TRPM6: variants seen among roughly 807,000 people sequenced by gnomAD.
TRPM6 encodes the protein transient receptor potential cation channel subfamily M member 6.
Under a neutral mutation model 247.6 loss-of-function variants are expected in TRPM6, and 111 were observed. The ratio of observed to expected loss-of-function variants is 0.45; its 90% confidence interval spans 0.38 to 0.52. TRPM6 has a LOEUF of 0.52. TRPM6 is among the 20% of genes least tolerant of loss of function. The pLI is 0.00. For missense variants in TRPM6, 2,126 were observed against 2,421.5 expected, an observed-to-expected ratio of 0.88 and a Z score of 2.56; for synonymous variants, 892 against 853.8, an observed-to-expected ratio of 1.04 and a Z score of -0.78.
At chr9:74,886,677 T>A (rs987643535) in intron 1 of TRPM6, among the ~76,000 whole-genome samples, 3 of 152,074 alleles carry the variant, frequency 2.0e-5, no homozygotes, top group Non-Finnish European at 4.4e-5. Flanking sequence ...CAGGATGAAA[T>A]AGTTAAGAAT....
At chr9:74,835,549 T>C (rs1330556504) in intron 5 of TRPM6, among the ~76,000 whole-genome samples, 4 of 152,126 alleles carry the variant, frequency 2.6e-5, no homozygotes, top group Non-Finnish European at 5.9e-5. Flanking sequence ...TTAATACTAG[T>C]AATTAGTACA....
chr9:74,725,598 G>A (rs1274480013), intron 38 of TRPM6, among the ~76,000 whole-genome samples: 3 of 151,828 alleles, frequency 2.0e-5, no homozygotes, highest in Admixed American at 1.3e-4. Flanking sequence ...CTGTTCTTGT[G>A]ATAGTGAATG....
At chr9:74,869,968 C>A (rs991920784) in intron 1 of TRPM6, among the ~76,000 whole-genome samples, 3 of 152,110 alleles carry the variant, frequency 2.0e-5, no homozygotes, top group Non-Finnish European at 2.9e-5. Context: ...AACTGATAGC[C>A]TGTTTAGCTC....
At chr9:74,872,642 A>G (rs1390855119) in intron 1 of TRPM6, among the ~76,000 whole-genome samples, 1 of 146,012 alleles carries the variant, frequency 6.8e-6, no homozygotes, top group African/African-American at 2.7e-5. Context: ...GCACGTGTGT[A>G]CATGTTTTGT....
intron 1 of TRPM6, among the ~76,000 whole-genome samples, chr9:74,868,925 A>G (rs1457079827): frequency 6.6e-6 from 1 of 152,214 alleles, no homozygotes; most frequent in African/African-American, 2.4e-5. Flanking sequence ...GATAGAGAAT[A>G]GAGACTTACT....
intron 1 of TRPM6, among the ~76,000 whole-genome samples, chr9:74,869,849 G>A (rs1246563594): frequency 1.3e-5 from 2 of 152,198 alleles, no homozygotes; most frequent in African/African-American, 4.8e-5. Flanking sequence ...AGCTGAAGAG[G>A]AAGGCTCTGC....
chr9:74,781,409 G>A (rs536660169), intron 23 of TRPM6, among the ~76,000 whole-genome samples: 4 of 151,636 alleles, frequency 2.6e-5, no homozygotes, highest in South Asian at 4.2e-4. Flanking sequence ...GGTGGCAGGC[G>A]CCTGTAATCC....
chr9:74,755,317 G>C (rs1208397546), intron 28 of TRPM6, 36 bp downstream of exon 28: 2 of 1,612,686 alleles, frequency 1.2e-6, no homozygotes, highest in African/African-American at 2.7e-5. Context: ...AACCCCACCA[G>C]GGTTTTTGGG....
chr9:74,736,942 G>T (rs922734867), intron 36 of TRPM6, among the ~76,000 whole-genome samples: 6 of 151,950 alleles, frequency 3.9e-5, no homozygotes, highest in African/African-American at 1.5e-4. Flanking sequence ...ATTCCTTAAA[G>T]TTTTTCTTTC....
intron 1 of TRPM6, among the ~76,000 whole-genome samples, chr9:74,885,397 G>C (rs778951689): frequency 6.6e-6 from 1 of 152,118 alleles, no homozygotes; most frequent in African/African-American, 2.4e-5. Context: ...GGAATATCTA[G>C]AGATACAGAC....
chr9:74,755,309 C>A (rs201482469), intron 28 of TRPM6, 44 bp downstream of exon 28: 1 of 1,611,450 alleles, frequency 6.2e-7, no homozygotes, highest in African/African-American at 1.3e-5. Flanking sequence ...CCTGAGAAAA[C>A]CCCACCAGGG....
intron 28 of TRPM6, 108 bp downstream of exon 28, chr9:74,755,245 C>T (rs887481246): frequency 5.1e-6 from 6 of 1,183,422 alleles, no homozygotes; most frequent in Non-Finnish European, 7.5e-6. Flanking sequence ...CTTCTCTTTC[C>T]CTCATCTCCA....
intron 38 of TRPM6, among the ~76,000 whole-genome samples, chr9:74,727,920 G>T (rs1409968738): frequency 1.3e-5 from 2 of 152,036 alleles, no homozygotes; most frequent in African/African-American, 4.8e-5. Context: ...GGACCCAAAT[G>T]TGGGGGGTGG....
intron 25 of TRPM6, among the ~76,000 whole-genome samples, chr9:74,770,271 T>C (rs1826986097): frequency 6.6e-6 from 1 of 152,206 alleles, no homozygotes; most frequent in Non-Finnish European, 1.5e-5. Context: ...CTCTACCTGA[T>C]ATTTGACATC....
intron 7 of TRPM6, among the ~76,000 whole-genome samples, chr9:74,826,574 G>C (rs576947867): frequency 1.3e-5 from 2 of 152,120 alleles, no homozygotes; most frequent in African/African-American, 4.8e-5. Context: ...TCTCTGTAAA[G>C]GATTCACACT....
intron 3 of TRPM6, among the ~76,000 whole-genome samples, chr9:74,847,434 A>C (rs1265684341): frequency 3.9e-5 from 6 of 152,052 alleles, no homozygotes; most frequent in Non-Finnish European, 7.4e-5. Flanking sequence ...CTTCTCCCTC[A>C]GTCTCCCAAA....
At chr9:74,794,120 TC>T (rs1019150364) in intron 18 of TRPM6, among the ~76,000 whole-genome samples, 4 of 152,206 alleles carry the variant, frequency 2.6e-5, no homozygotes, top group Non-Finnish European at 5.9e-5. Context: ...AAAAGCGATA[TC>T]ACTCTACTGT....
intron 1 of TRPM6, among the ~76,000 whole-genome samples, chr9:74,871,856 T>A (rs562572225): frequency 6.8e-6 from 1 of 146,092 alleles, no homozygotes; most frequent in Non-Finnish European, 1.5e-5. Flanking sequence ...AGTAGTAACT[T>A]TTTTTTTTTT....
rs71507885 is a variant in TRPM6 at position 74,841,538 on chromosome 9, G to A, written c.330+628C>T. ...TTTTCTTTTTGAGATGAAGTCTTATGCTGTCGCCCAGGCTGGAGTGCAGTG... is the reference window on the plus strand; with the variant it reads ...TTTTCTTTTTGAGATGAAGTCTTATACTGTCGCCCAGGCTGGAGTGCAGTG... On this transcript the variant is annotated intron_variant, in intron 4 of 38. Transcript: ENST00000360774. Among the ~76,000 whole-genome samples the A allele has an allele frequency of 5.5e-3, 831 of 151,276 alleles. 5 individuals are homozygous for A. Among genetic ancestry groups the A allele is most frequent in the Non-Finnish European group, 8.6e-3 (583 of 67,876 alleles).
Sources: gnomAD v4.1 joint callset for allele counts (sites outside exome capture counted in the v4.1 genomes callset) on GRCh38, gnomAD v4.1.1 for gene constraint, MANE v1.5 for transcripts, NCBI Gene and HGNC (gene_info 2026-07-23, HGNC 2026-07-21) for gene names.